Variants in PRLR observed in about 807,000 individuals in gnomAD.
The protein encoded by PRLR is prolactin receptor.
Under a neutral mutation model 40.2 loss-of-function variants are expected in PRLR, and 13 were observed. The observed-to-expected ratio is 0.32, with a 90% confidence interval of 0.21 to 0.51. The LOEUF (loss-of-function observed/expected upper bound fraction) is 0.51. PRLR is among the 20% of genes least tolerant of loss of function. The pLI is 0.97. For synonymous variants in PRLR, 269 were observed against 278.7 expected (o/e 0.97, Z 0.35); for missense variants, 656 against 747.3 (o/e 0.88, Z 1.42).
rs537303342 is a variant in PRLR at position 35,079,714 on chromosome 5, G to A, written c.373+4756C>T. Among the ~76,000 whole-genome samples the A allele has an allele frequency of 5.9e-5, 9 of 152,292 alleles. No homozygotes were observed. The South Asian group carries it at 1.7e-3, about 28-fold the overall frequency. On this transcript the variant is annotated intron_variant, in intron 5 of 9. Transcript: ENST00000618457. ...CTAAAGTTCATGTGGGACCAAAAAA[G>A]AGCCCGTATTGCCAAAACAATCTTA...
chr5:35,123,143 T>C (rs1168018720), intron 1 of PRLR, among the ~76,000 whole-genome samples: 1 of 152,192 alleles, frequency 6.6e-6, no homozygotes, highest in South Asian at 2.1e-4. Flanking sequence ...TGACAAATAG[T>C]AGTAATCCTT....
intron 2 of PRLR, among the ~76,000 whole-genome samples, chr5:35,113,015 T>C (rs1772757893): frequency 6.6e-6 from 1 of 152,274 alleles, no homozygotes; most frequent in South Asian, 2.1e-4. Flanking sequence ...TTACAATGCA[T>C]TTTGAGAAAA....
At chr5:35,206,599 A>C (rs1404327373) in intron 1 of PRLR, among the ~76,000 whole-genome samples, 1 of 152,148 alleles carries the variant, frequency 6.6e-6, no homozygotes, top group Non-Finnish European at 1.5e-5. Context: ...ATTCAAAGAT[A>C]ACATTTCATT....
Position 35,065,034 on chromosome 5 carries a change from TA to T in PRLR, c.*54del. On this transcript the variant is annotated 3_prime_UTR_variant, in exon 10 of 10. Transcript: ENST00000618457. Reference sequence around the variant, plus strand: ...ATTCTTGAGCATTTCACGTACTCTGTAGTGTTACCTGAAGAAAAATCACATT... The same window carrying T: ...ATTCTTGAGCATTTCACGTACTCTGTGTGTTACCTGAAGAAAAATCACATT... The T allele has an allele frequency of 6.5e-7, 1 of 1,543,844 alleles. No individual in the cohort carries two copies. The highest frequency in any genetic ancestry group is 1.2e-5 in the South Asian group (1 of 80,572).
intron 1 of PRLR, among the ~76,000 whole-genome samples, chr5:35,125,123 C>A (rs1773414747): frequency 6.6e-6 from 1 of 152,184 alleles, no homozygotes; most frequent in South Asian, 2.1e-4. Context: ...GATTGACCAG[C>A]AAGCAACAGT....
intron 2 of PRLR, among the ~76,000 whole-genome samples, chr5:35,117,121 C>G (rs1773071755): frequency 6.6e-6 from 1 of 151,946 alleles, no homozygotes; most frequent in South Asian, 2.1e-4. Flanking sequence ...GCCCCACCAC[C>G]CAAAACGATC....
chr5:35,133,262 T>C (rs563153945), intron 1 of PRLR, among the ~76,000 whole-genome samples: 1 of 152,212 alleles, frequency 6.6e-6, no homozygotes, highest in South Asian at 2.1e-4. Flanking sequence ...CGGCACATAA[T>C]AGGACTTCTT....
chr5:35,084,313 A>C (rs1770706661), intron 5 of PRLR, among the ~76,000 whole-genome samples, 157 bp downstream of exon 5: 1 of 152,226 alleles, frequency 6.6e-6, no homozygotes, highest in Non-Finnish European at 1.5e-5. Context: ...ACTTGATAAA[A>C]AATGATTTGA....
At chr5:35,055,617 T>C (rs1244535380), downstream of PRLR, 2 of 152,118 alleles carry the variant, frequency 1.3e-5, no homozygotes, top group Non-Finnish European at 2.9e-5. Context: ...AATTTTGTTG[T>C]GGCAAAGAAA....
At chr5:35,147,791 T>C (rs180761385) in intron 1 of PRLR, among the ~76,000 whole-genome samples, 3 of 152,300 alleles carry the variant, frequency 2.0e-5, no homozygotes, top group East Asian at 3.9e-4. Flanking sequence ...GGCAATGATA[T>C]GCAGCAAAAG....
rs149607753 is a variant in PRLR, at chr5:35,112,265, A to G, written c.-44+5796T>C. ...TTTGAAATACCTAAGGCTGGCCATT[A>G]TTTTTTGTTAAACTTCTGATAAGTG... On this transcript the variant is annotated intron_variant, in intron 2 of 9. Transcript: ENST00000618457. Among the ~76,000 whole-genome samples the G allele has an allele frequency of 2.2e-3, 330 of 152,198 alleles. 3 individuals are homozygous for G. The highest frequency in any genetic ancestry group is 3.4e-3 in the Non-Finnish European group (233 of 67,994).
chr5:35,178,113 A>T (rs1775197158), intron 1 of PRLR, among the ~76,000 whole-genome samples: 1 of 151,898 alleles, frequency 6.6e-6, no homozygotes, highest in African/African-American at 2.4e-5. Flanking sequence ...TTTCTATATC[A>T]TTTTTTGAGA....
chr5:35,226,653 C>T (rs993823452), intron 1 of PRLR, among the ~76,000 whole-genome samples: 4 of 152,258 alleles, frequency 2.6e-5, no homozygotes, highest in South Asian at 4.1e-4. Flanking sequence ...TTTGAAAATG[C>T]GGGTTTAAGT....
intron 2 of PRLR, among the ~76,000 whole-genome samples, chr5:35,096,293 G>A (rs1294169474): frequency 3.3e-5 from 5 of 152,162 alleles, no homozygotes; most frequent in Non-Finnish European, 4.4e-5. Flanking sequence ...ACTCACTACA[G>A]CTTCCTCATC....
Position 35,095,479 on chromosome 5 carries a change from T to A in PRLR, c.-43-5816A>T, listed in dbSNP as rs182011866. Among the ~76,000 whole-genome samples the A allele has an allele frequency of 3.4e-3, 519 of 152,324 alleles. 5 individuals carry two copies. The highest frequency in any genetic ancestry group is 0.012 in the African/African-American group (504 of 41,566). Reference sequence around the variant, plus strand: ...GTTTTAAGGAGAACATGGCAGCCGCTCTTTCAGGAAGACATTGAAAACTGA... The same window carrying A: ...GTTTTAAGGAGAACATGGCAGCCGCACTTTCAGGAAGACATTGAAAACTGA... On this transcript the variant is annotated intron_variant, in intron 2 of 9. Transcript: ENST00000618457.
At chr5:35,049,661 G>C (rs1398792489) in intron 8 of PRLR, among the ~76,000 whole-genome samples, 1 of 152,036 alleles carries the variant, frequency 6.6e-6, no homozygotes, top group Non-Finnish European at 1.5e-5. Context: ...GTATACACAT[G>C]CTGTTTCAGA....
At chr5:35,188,989 G>A (rs549959180) in intron 1 of PRLR, among the ~76,000 whole-genome samples, 1 of 152,150 alleles carries the variant, frequency 6.6e-6, no homozygotes, top group African/African-American at 2.4e-5. Flanking sequence ...TGGAAGTAGG[G>A]TTATTGCAGA....
At chr5:35,069,016 T>G in intron 7 of PRLR, 138 bp from the exon 8 acceptor site, 1 of 588,222 alleles carries the variant, frequency 1.7e-6, no homozygotes, top group Non-Finnish European at 3.1e-6. Flanking sequence ...CAATCCAAAG[T>G]ATCATCAATG....
intron 3 of PRLR, among the ~76,000 whole-genome samples, chr5:35,088,940 A>G (rs961091760): frequency 2.6e-5 from 4 of 152,210 alleles, no homozygotes; most frequent in Non-Finnish European, 4.4e-5. Flanking sequence ...TCAGGTCCAT[A>G]TAGAAAAGTT....
Sources: gnomAD v4.1 joint callset for allele counts (sites outside exome capture counted in the v4.1 genomes callset) on GRCh38, gnomAD v4.1.1 for gene constraint, MANE v1.5 for transcripts, NCBI Gene and HGNC (gene_info 2026-07-23, HGNC 2026-07-21) for gene names.